Variants in INPP5A observed in about 807,000 individuals in gnomAD.
INPP5A encodes inositol polyphosphate-5-phosphatase A.
Under a neutral mutation model 65.2 loss-of-function variants are expected in INPP5A, and 14 were observed. The observed-to-expected ratio is 0.21, with a 90% CI of 0.14 to 0.34. The LOEUF (loss-of-function observed/expected upper bound fraction) is 0.34, where lower values mean the gene tolerates loss of function less well. INPP5A is among the 10% of genes least tolerant of loss of function. The pLI, the probability that INPP5A is intolerant of heterozygous loss-of-function variation, is 1.00. For synonymous variants in INPP5A, 207 were observed against 208.3 expected, an observed-to-expected ratio of 0.99 and a Z score of 0.05; for missense variants, 431 against 545.6, an observed-to-expected ratio of 0.79 and a Z score of 2.09.
chr10:132,746,050 G>A (rs888536763), intron 9 of INPP5A, among the ~76,000 whole-genome samples: 11 of 152,228 alleles, frequency 7.2e-5, no homozygotes, highest in South Asian at 4.1e-4. Flanking sequence ...GGGCCTCGGC[G>A]TTGCCTGCAC....
intron 1 of INPP5A, among the ~76,000 whole-genome samples, chr10:132,583,946 A>G (rs1305931502): frequency 6.6e-6 from 1 of 152,172 alleles, no homozygotes; most frequent in Non-Finnish European, 1.5e-5. Context: ...AGCCAGTTGC[A>G]GTGGTGTGTG....
chr10:132,582,377 A>G (rs1474582684), intron 1 of INPP5A, among the ~76,000 whole-genome samples: 1 of 147,056 alleles, frequency 6.8e-6, no homozygotes, highest in Non-Finnish European at 1.5e-5. Flanking sequence ...TATTTTTTCC[A>G]TATGGAATTC....
chr10:132,559,301 A>T (rs1332560813), intron 1 of INPP5A, among the ~76,000 whole-genome samples: 1 of 152,214 alleles, frequency 6.6e-6, no homozygotes, highest in East Asian at 1.9e-4. Context: ...GTGGGGGGTT[A>T]GTCCTGTCAT....
chr10:132,673,425 C>T (rs150216140), intron 4 of INPP5A, among the ~76,000 whole-genome samples: 2,289 of 152,292 alleles, frequency 0.015, 35 homozygotes, highest in South Asian at 0.04. Flanking sequence ...ATATATTGGA[C>T]GCTGATTCAG....
chr10:132,565,693 A>C (rs1432336504), intron 1 of INPP5A, among the ~76,000 whole-genome samples: 4 of 149,706 alleles, frequency 2.7e-5, no homozygotes, highest in Non-Finnish European at 4.5e-5. Flanking sequence ...GTGTGAGTGC[A>C]TGTGTATGTG....
chr10:132,601,708 T>C (rs2071779500), intron 1 of INPP5A, among the ~76,000 whole-genome samples: 1 of 152,240 alleles, frequency 6.6e-6, no homozygotes, highest in South Asian at 2.1e-4. Context: ...CATGCGGTTA[T>C]CCAGTTTTCC....
At chr10:132,742,049 A>G (rs1318025251) in intron 9 of INPP5A, among the ~76,000 whole-genome samples, 7 of 152,312 alleles carry the variant, frequency 4.6e-5, no homozygotes, top group East Asian at 3.9e-4. Flanking sequence ...CCAGAGGCCA[A>G]TCAGCACCGG....
chr10:132,730,326 C>T (rs1199190775), intron 9 of INPP5A, among the ~76,000 whole-genome samples: 7 of 152,206 alleles, frequency 4.6e-5, no homozygotes, highest in Non-Finnish European at 7.3e-5. Flanking sequence ...TCCTGCTTGC[C>T]GGGGCCACGT....
chr10:132,710,214 CG>C, intron 7 of INPP5A, 122 bp from the exon 8 acceptor site: 2 of 1,125,298 alleles, frequency 1.8e-6, no homozygotes, highest in South Asian at 3.1e-5. Flanking sequence ...TGCCCCGCCT[CG>C]GGTGGCTCCG....
In INPP5A at chr10:132,755,029, GTGTGTGTGATCGTATGCA is replaced by G. The variant is rs1004140242; in HGVS notation, c.903+5196_903+5213del. Among the ~76,000 whole-genome samples, 117 of 150,698 alleles carry G rather than the reference GTGTGTGTGATCGTATGCA, an allele frequency of 7.8e-4. 1 individual carries two copies. The East Asian group carries it at 0.021, about 27-fold the overall frequency. On this transcript the variant is annotated intron_variant, in intron 11 of 15. Coordinates refer to ENST00000368594, the MANE Select transcript of INPP5A (RefSeq NM_005539.5). ...TGCATGTGAGCCTGTGTGAGTATGC[GTGTGTGTGATCGTATGCA>G]TGTGTGTGATCATATGCGTGTGTGT...
In INPP5A at chr10:132,546,672, G is replaced by A. The variant is rs1347504604; in HGVS notation, c.75+8501G>A. 5.9e-5 allele frequency among the ~76,000 whole-genome samples: 9 copies of A among 152,142 alleles called. No homozygotes were observed. Among genetic ancestry groups the A allele is most frequent in the Admixed American group, 5.2e-4 (8 of 15,282 alleles). On this transcript the variant is annotated intron_variant, in intron 1 of 15. Transcript: ENST00000368594. This position sits in a 1 kb window ranked among gnomAD's most constrained non-coding sequence, Gnocchi z 5.7. The stretch of plus-strand genomic sequence containing the variant: ...GGGCGTCTCTGTGTGGGGTCTCCTG[G>A]CTCCTGCAGATCTGTGTAGCCTGCA...
intron 12 of INPP5A, among the ~76,000 whole-genome samples, chr10:132,776,262 C>CT (rs1847061240): frequency 6.6e-6 from 1 of 152,156 alleles, no homozygotes; most frequent in Non-Finnish European, 1.5e-5. Context: ...CAGTGACTGC[C>CT]CAAGGCCGGG....
intron 2 of INPP5A, among the ~76,000 whole-genome samples, chr10:132,628,468 G>T (rs950977753): frequency 6.7e-6 from 1 of 148,970 alleles, no homozygotes; most frequent in Non-Finnish European, 1.5e-5. Context: ...GGTGGCGGGG[G>T]GGGGGGGGGG....
At chr10:132,780,137 TCCC>T (rs1847135681) in intron 13 of INPP5A, among the ~76,000 whole-genome samples, 2 of 152,248 alleles carry the variant, frequency 1.3e-5, no homozygotes, top group Non-Finnish European at 2.9e-5. Context: ...ACCTTGAGCT[TCCC>T]ACTGCATTAA....
intron 9 of INPP5A, among the ~76,000 whole-genome samples, chr10:132,745,202 C>T (rs1201074791): frequency 7.9e-5 from 12 of 152,266 alleles, no homozygotes; most frequent in South Asian, 4.1e-4. Context: ...CCACAGAGGA[C>T]GGGGTCCTCC....
chr10:132,608,639 G>A (rs1047868128), intron 2 of INPP5A, among the ~76,000 whole-genome samples: 1 of 152,218 alleles, frequency 6.6e-6, no homozygotes, highest in East Asian at 1.9e-4. Context: ...CCAGGCAGGC[G>A]AGGAGGGCAA....
rs1176475835 is a variant in INPP5A at position 132,782,535 on chromosome 10, A to AC, written c.*507dup. The AC allele has an allele frequency of 1.2e-5, 2 of 162,440 alleles. No homozygotes were observed. Among genetic ancestry groups the AC allele is most frequent in the Admixed American group, 5.7e-5 (1 of 17,618 alleles). The allele number at this position is 162,440 out of a possible 1,614,324, so 10.1% of individuals were successfully genotyped here. On this transcript the variant is annotated 3_prime_UTR_variant, in exon 16 of 16. Coordinates refer to ENST00000368594, the MANE Select transcript of INPP5A (RefSeq NM_005539.5). The surrounding 1 kb of genome is among the most constrained non-coding windows in gnomAD (Gnocchi z 4.4). The stretch of plus-strand genomic sequence containing the variant: ...TCTCTGCCGATGCTCCTTCCGCGGC[A>AC]CTGACTCTGCGCCGTGTCACATGGT...
rs1847191939 is a variant in INPP5A, at chr10:132,782,842, C to T, written c.*813C>T. 6.6e-6 allele frequency: 1 copy of T among 152,292 alleles called. No individual in the cohort carries two copies. The highest frequency in any genetic ancestry group is 2.4e-5 in the African/African-American group (1 of 41,400). The allele number at this position is 152,292 out of a possible 1,614,324, so 9.4% of individuals were successfully genotyped here. A position where few individuals can be genotyped will look rare whatever the true frequency, so the allele number is the denominator to read the frequency against. On this transcript the variant is annotated 3_prime_UTR_variant, in exon 16 of 16. Transcript: ENST00000368594. The surrounding 1 kb of genome is among the most constrained non-coding windows in gnomAD (Gnocchi z 4.4). Reference sequence around the variant, plus strand: ...CACCAGCGGGCCGTTACTCCCATGCCGTTCTTCTGTGTAATATTAAGAACT... The same window carrying T: ...CACCAGCGGGCCGTTACTCCCATGCTGTTCTTCTGTGTAATATTAAGAACT...
intron 1 of INPP5A, among the ~76,000 whole-genome samples, chr10:132,601,141 T>C (rs568875899): frequency 6.6e-6 from 1 of 152,322 alleles, no homozygotes; most frequent in African/African-American, 2.4e-5. Flanking sequence ...TCCCAACACT[T>C]ATTATTTTCT....
Sources: allele counts gnomAD v4.1 joint callset (sites outside exome capture counted in the v4.1 genomes callset), GRCh38; gene constraint gnomAD v4.1.1; non-coding constraint Gnocchi (gnomAD v3.1); transcripts MANE v1.5; gene names NCBI Gene and HGNC (gene_info 2026-07-23, HGNC 2026-07-21).